NKAIN3: variants seen among roughly 807,000 people sequenced by gnomAD.
NKAIN3 encodes sodium/potassium-transporting ATPase subunit beta-1-interacting protein 3.
Under a neutral mutation model 30.2 loss-of-function variants are expected in NKAIN3, and 25 were observed. That is an observed-to-expected ratio of 0.83 (90% confidence interval 0.60 to 1.16). The LOEUF (loss-of-function observed/expected upper bound fraction) is 1.16. NKAIN3 is among the 50% of genes most tolerant of loss of function. The pLI is 0.00. For synonymous variants in NKAIN3, 91 were observed against 89.6 expected (o/e 1.02, Z -0.09); for missense variants, 225 against 254.1 (o/e 0.89, Z 0.78).
At chr8:62,870,180 G>A (rs1217815051) in intron 4 of NKAIN3, among the ~76,000 whole-genome samples, 1 of 53,778 alleles carries the variant, frequency 1.9e-5, no homozygotes, top group Non-Finnish European at 4.3e-5. Context: ...AATCCTGTGA[G>A]CCAAGTCTCC....
intron 3 of NKAIN3, among the ~76,000 whole-genome samples, chr8:62,701,804 T>G (rs1321748749): frequency 6.6e-6 from 1 of 152,152 alleles, no homozygotes; most frequent in Non-Finnish European, 1.5e-5. Flanking sequence ...AATCTCAGAT[T>G]TCACCTCTTA....
chr8:62,909,085 T>C (rs1821861430), intron 4 of NKAIN3, among the ~76,000 whole-genome samples: 1 of 152,176 alleles, frequency 6.6e-6, no homozygotes, highest in African/African-American at 2.4e-5. Flanking sequence ...ACTCAATTTT[T>C]TAATTCATTC....
chr8:62,732,140 C>T (rs1586140055), intron 3 of NKAIN3, among the ~76,000 whole-genome samples: 1 of 152,112 alleles, frequency 6.6e-6, no homozygotes, highest in East Asian at 1.9e-4. Context: ...AAGAATATTG[C>T]ACTTATGACC....
Position 62,589,780 on chromosome 8 carries a change from G to T in NKAIN3, c.259G>T (p.Gly87Cys), listed in dbSNP as rs755745818. ...CATTATCTGCTTTTATTTGGAAGTA[G>T]GTGGACTCTCAAAGGTGAGTTTATC... ...VFIICFYLEV[G>C]GLSKDTDLMT... is the part of the protein sequence containing the mutation. The change falls in exon 3 of 7, where the codon GGT (glycine) becomes TGT (cysteine). Residue 87 changes from glycine (G) to cysteine (C), a missense_variant. Gly to Cys is a radical substitution (Grantham distance 159). Transcript: ENST00000623646. 1 of 1,598,938 alleles carries T rather than the reference G, an allele frequency of 6.3e-7. No individual in the cohort carries two copies. The highest frequency in any genetic ancestry group is 8.6e-7 in the Non-Finnish European group (1 of 1,168,852).
chr8:62,701,993 C>T (rs926387107), intron 3 of NKAIN3, among the ~76,000 whole-genome samples: 19 of 152,146 alleles, frequency 1.2e-4, no homozygotes, highest in Non-Finnish European at 2.4e-4. Flanking sequence ...GGCTCCCCAG[C>T]GGCTAACAGT....
At chr8:62,324,069 G>A (rs1815032479) in intron 1 of NKAIN3, among the ~76,000 whole-genome samples, 2 of 151,916 alleles carry the variant, frequency 1.3e-5, no homozygotes, top group Admixed American at 6.6e-5. Flanking sequence ...AGAACCCATA[G>A]AATGCCCACC....
intron 3 of NKAIN3, among the ~76,000 whole-genome samples, chr8:62,638,732 C>T (rs559960978): frequency 3.6e-4 from 55 of 152,032 alleles, no homozygotes; most frequent in Non-Finnish European, 4.7e-4. Context: ...TTGATTTAAC[C>T]CTGACCCCAC....
chr8:62,902,384 T>A (rs1432609885), intron 4 of NKAIN3, among the ~76,000 whole-genome samples: 3 of 152,202 alleles, frequency 2.0e-5, no homozygotes, highest in Non-Finnish European at 4.4e-5. Context: ...TAAGCAAGTC[T>A]GAGGTCAGCC....
rs28839925 is a variant in NKAIN3, at chr8:62,290,414, C to T, written c.54+41287C>T. Reference sequence around the variant, plus strand: ...TAGCTCCTATTATTTTGAGATACGTCCCAGCGATACCTGATTTATTGGTAG... The same window carrying T: ...TAGCTCCTATTATTTTGAGATACGTTCCAGCGATACCTGATTTATTGGTAG... On this transcript the variant is annotated intron_variant, in intron 1 of 6. Coordinates refer to ENST00000623646, the MANE Select transcript of NKAIN3 (RefSeq NM_001304533.3). 1.8e-3 allele frequency among the ~76,000 whole-genome samples: 278 copies of T among 152,212 alleles called. 1 individual carries two copies. The highest frequency in any genetic ancestry group is 6.4e-3 in the African/African-American group (267 of 41,540).
intron 1 of NKAIN3, among the ~76,000 whole-genome samples, chr8:62,355,182 C>A (rs73684974): frequency 0.036 from 5,535 of 152,252 alleles, 363 homozygotes; most frequent in African/African-American, 0.13. Context: ...TGTCTTCAAG[C>A]TGAGGGTTCT....
At chr8:62,530,618 GTATTTATTTATTATT>G (rs1417881478) in intron 1 of NKAIN3, among the ~76,000 whole-genome samples, 1 of 151,858 alleles carries the variant, frequency 6.6e-6, no homozygotes, top group Non-Finnish European at 1.5e-5. Flanking sequence ...ACGTATGTAT[GTATTTATTTATTATT>G]TATTTATTTA....
intron 1 of NKAIN3, among the ~76,000 whole-genome samples, chr8:62,540,420 T>A (rs1214764950): frequency 6.6e-6 from 1 of 152,224 alleles, no homozygotes; most frequent in East Asian, 1.9e-4. Flanking sequence ...CATAACTATG[T>A]AAGAACTATT....
rs183429935 is a variant in NKAIN3 at position 62,588,355 on chromosome 8, T to A, written c.193-1359T>A. On this transcript the variant is annotated intron_variant, in intron 2 of 6. Coordinates refer to ENST00000623646, the MANE Select transcript of NKAIN3 (RefSeq NM_001304533.3). ...TTACTTATCTTAACTTTTTAACATG[T>A]TTTCCAACTAAATTTCCAGTGATTT... Among the ~76,000 whole-genome samples, 8 of 151,944 alleles carry A rather than the reference T, an allele frequency of 5.3e-5. No individual in the cohort carries two copies. In the East Asian group the frequency reaches 1.5e-3, roughly 29 times the overall value.
At chr8:62,299,209 A>T (rs1279767372) in intron 1 of NKAIN3, among the ~76,000 whole-genome samples, 5 of 152,150 alleles carry the variant, frequency 3.3e-5, no homozygotes, top group Non-Finnish European at 5.9e-5. Context: ...TTTTATAAAA[A>T]TTTATTTAAA....
chr8:62,703,434 C>A (rs1814408769), intron 3 of NKAIN3, among the ~76,000 whole-genome samples: 1 of 152,128 alleles, frequency 6.6e-6, no homozygotes, highest in Non-Finnish European at 1.5e-5. Context: ...TTCCCCAACT[C>A]CCCACAAATT....
intron 1 of NKAIN3, among the ~76,000 whole-genome samples, chr8:62,410,108 TCC>T (rs1434838734): frequency 2.6e-5 from 4 of 152,046 alleles, no homozygotes; most frequent in African/African-American, 9.6e-5. Flanking sequence ...CTCCCTCCCT[TCC>T]CCCTCTGTAG....
At chr8:62,612,245 A>G (rs938764096) in intron 3 of NKAIN3, among the ~76,000 whole-genome samples, 4 of 151,876 alleles carry the variant, frequency 2.6e-5, no homozygotes, top group South Asian at 2.1e-4. Context: ...ACTGGGACCT[A>G]TCTCTCTCTT....
chr8:62,727,510 A>G (rs1002188183), intron 3 of NKAIN3, among the ~76,000 whole-genome samples: 6 of 152,184 alleles, frequency 3.9e-5, no homozygotes, highest in African/African-American at 1.4e-4. Context: ...TGCAGGATAG[A>G]AGGTTAATAT....
chr8:62,317,944 G>T (rs148210349), intron 1 of NKAIN3, among the ~76,000 whole-genome samples: 1,830 of 152,074 alleles, frequency 0.012, 44 homozygotes, highest in African/African-American at 0.042. Flanking sequence ...GTATCCTCTT[G>T]TATTTCATTG....
Sources: gnomAD v4.1 joint callset for allele counts (sites outside exome capture counted in the v4.1 genomes callset) on GRCh38, gnomAD v4.1.1 for gene constraint, MANE v1.5 for transcripts, NCBI Gene and HGNC (gene_info 2026-07-23, HGNC 2026-07-21) for gene names.